The following CTNNA3 variants were observed in gnomAD, a reference collection of about 807,000 sequenced individuals.
The protein encoded by CTNNA3 is catenin alpha 3.
Under a neutral mutation model 95.7 loss-of-function variants are expected in CTNNA3, and 76 were observed. The ratio of observed to expected loss-of-function variants is 0.79; its 90% CI spans 0.66 to 0.96. The LOEUF (loss-of-function observed/expected upper bound fraction) is 0.96, where lower values mean the gene tolerates loss of function less well. CTNNA3 is among the 40% of genes least tolerant of loss of function. The pLI, the probability that CTNNA3 is intolerant of heterozygous loss-of-function variation, is 0.00. For synonymous variants in CTNNA3, 431 were observed against 374.4 expected (o/e 1.15, Z -1.74); for missense variants, 1,191 against 1,089.8 (o/e 1.09, Z -1.31).
chr10:66,930,897 C>T (rs1368016223), intron 7 of CTNNA3, among the ~76,000 whole-genome samples: 1 of 152,040 alleles, frequency 6.6e-6, no homozygotes, highest in Non-Finnish European at 1.5e-5. Flanking sequence ...TTTCTTTCTC[C>T]TCACTCTTTG....
At position 66,687,239 on chromosome 10, in the gene CTNNA3, G is replaced by A. The variant is rs534870427; in HGVS notation, c.1282-65455C>T. On this transcript the variant is annotated intron_variant, in intron 9 of 17. Coordinates refer to ENST00000433211, the MANE Select transcript of CTNNA3 (RefSeq NM_013266.4). Reference sequence around the variant, plus strand: ...TATACATAAATGATGCAAGAAGGAGGCAAAAAAGGTGATAAATTTCAAAGT... The same window carrying A: ...TATACATAAATGATGCAAGAAGGAGACAAAAAAGGTGATAAATTTCAAAGT... Among the ~76,000 whole-genome samples the A allele has an allele frequency of 3.6e-3, 550 of 151,766 alleles. 4 individuals are homozygous for A. Among genetic ancestry groups the A allele is most frequent in the Admixed American group, 5.9e-3 (90 of 15,244 alleles).
At chr10:67,459,396 C>G (rs967676142) in intron 5 of CTNNA3, among the ~76,000 whole-genome samples, 5 of 152,094 alleles carry the variant, frequency 3.3e-5, no homozygotes, top group African/African-American at 1.2e-4. Flanking sequence ...TGATTTCTGC[C>G]CACGTGGTCA....
At chr10:67,640,495 G>C (rs1219818588) in intron 2 of CTNNA3, among the ~76,000 whole-genome samples, 1 of 150,946 alleles carries the variant, frequency 6.6e-6, no homozygotes, top group Non-Finnish European at 1.5e-5. Flanking sequence ...ACAGAATTGG[G>C]AAAAACTACT....
chr10:67,667,175 C>A (rs1032497979), intron 1 of CTNNA3, among the ~76,000 whole-genome samples: 3 of 152,084 alleles, frequency 2.0e-5, no homozygotes, highest in Non-Finnish European at 4.4e-5. Context: ...GATATACTTC[C>A]TGTTATTACA....
chr10:67,169,046 A>C (rs1473224267), intron 7 of CTNNA3, among the ~76,000 whole-genome samples: 1 of 152,208 alleles, frequency 6.6e-6, no homozygotes, highest in East Asian at 1.9e-4. Flanking sequence ...AATTGCCACA[A>C]AAAGACTAAA....
chr10:66,335,325 G>A (rs1315796827), intron 12 of CTNNA3, among the ~76,000 whole-genome samples: 2 of 152,018 alleles, frequency 1.3e-5, no homozygotes, highest in Non-Finnish European at 2.9e-5. Flanking sequence ...AGTGTTTCCA[G>A]TTTTTCTGCT....
At chr10:67,667,523 A>T (rs1169215415) in intron 1 of CTNNA3, among the ~76,000 whole-genome samples, 1 of 152,208 alleles carries the variant, frequency 6.6e-6, no homozygotes, top group Non-Finnish European at 1.5e-5. Context: ...CTAATGGCAC[A>T]TCCTCTATGC....
intron 9 of CTNNA3, among the ~76,000 whole-genome samples, chr10:66,671,142 T>C (rs1196974565): frequency 6.6e-6 from 1 of 152,200 alleles, no homozygotes; most frequent in African/African-American, 2.4e-5. Context: ...AACTGCAAAT[T>C]CAATTATTCC....
intron 15 of CTNNA3, among the ~76,000 whole-genome samples, chr10:66,034,420 T>C (rs1042989725): frequency 7.9e-5 from 12 of 152,308 alleles, no homozygotes; most frequent in Admixed American, 7.2e-4. Context: ...TGCTGTTGAA[T>C]TTCTGGAGCT....
chr10:66,562,854 T>C (rs1368313963), intron 10 of CTNNA3, among the ~76,000 whole-genome samples: 1 of 152,098 alleles, frequency 6.6e-6, no homozygotes, highest in African/African-American at 2.4e-5. Context: ...ATACTATTTG[T>C]TCAATAAAAC....
intron 5 of CTNNA3, among the ~76,000 whole-genome samples, chr10:67,240,028 A>C (rs1865658218): frequency 6.6e-6 from 1 of 152,190 alleles, no homozygotes; most frequent in Non-Finnish European, 1.5e-5. Context: ...ACGAAGCTAC[A>C]TTCCTGCCCA....
In CTNNA3 at chr10:67,606,869, C is replaced by T. The variant is rs775423894; in HGVS notation, c.280G>A (p.Val94Ile). Residue 94 changes from valine (V) to isoleucine (I), a missense_variant, in exon 3 of 18, where the codon GTT becomes ATT. Physicochemically the swap from Val to Ile is conservative, Grantham distance 29. Transcript: ENST00000433211. ...TTGGAGTACTCACTTTCTTTGCGAACTTCCTCAAGTGAAGCCGTAAGCTCA... is the reference window on the plus strand; with the variant it reads ...TTGGAGTACTCACTTTCTTTGCGAATTTCCTCAAGTGAAGCCGTAAGCTCA... Reference protein sequence around the residue: ...KDELTASLEEVRKESEALKVS... With the variant: ...KDELTASLEEIRKESEALKVS... 4 of 1,613,174 alleles carry T rather than the reference C, an allele frequency of 2.5e-6. No individual in the cohort carries two copies. Among genetic ancestry groups the T allele is most frequent in the Non-Finnish European group, 3.4e-6 (4 of 1,179,518 alleles).
Position 66,119,831 on chromosome 10 carries a change from T to C in CTNNA3, c.1885-16582A>G, listed in dbSNP as rs80345214. On this transcript the variant is annotated intron_variant, in intron 13 of 17. Transcript: ENST00000433211. ...GAACCAATAAAGAGCCCATGTGGTA[T>C]CAAAGGGCTTTCCTGTCTAATATTT... 3.6e-3 allele frequency among the ~76,000 whole-genome samples: 554 copies of C among 152,276 alleles called. 6 individuals carry two copies. The highest frequency in any genetic ancestry group is 0.013 in the African/African-American group (536 of 41,574).
intron 13 of CTNNA3, among the ~76,000 whole-genome samples, chr10:66,190,940 A>G (rs2086634244): frequency 6.6e-6 from 1 of 152,118 alleles, no homozygotes; most frequent in Admixed American, 6.6e-5. Flanking sequence ...AGTATATCCC[A>G]CAAGACTGCT....
chr10:66,145,810 G>A (rs1012234234), intron 13 of CTNNA3, among the ~76,000 whole-genome samples: 1 of 152,084 alleles, frequency 6.6e-6, no homozygotes, highest in Non-Finnish European at 1.5e-5. Context: ...GAATCAAAAT[G>A]AGACATGAAT....
chr10:66,534,475 T>TAC (rs892579213), intron 10 of CTNNA3, among the ~76,000 whole-genome samples: 43 of 780 alleles, frequency 0.055, no homozygotes, highest in East Asian at 0.094. Context: ...AAATCATATA[T>TAC]ATATATATAT....
intron 14 of CTNNA3, among the ~76,000 whole-genome samples, chr10:66,095,220 G>A (rs966080799): frequency 6.6e-6 from 1 of 152,106 alleles, no homozygotes; most frequent in African/African-American, 2.4e-5. Context: ...AGGACTATAG[G>A]GCTTATATGA....
chr10:67,111,057 A>T (rs1228709369), intron 7 of CTNNA3, among the ~76,000 whole-genome samples: 1 of 152,168 alleles, frequency 6.6e-6, no homozygotes, highest in Non-Finnish European at 1.5e-5. Context: ...TAAATCAACC[A>T]CAGGGAGAAT....
intron 5 of CTNNA3, among the ~76,000 whole-genome samples, chr10:67,395,685 A>T (rs1216652512): frequency 6.6e-6 from 1 of 152,256 alleles, no homozygotes; most frequent in Non-Finnish European, 1.5e-5. Flanking sequence ...GAATGTGAAT[A>T]GTAGGAAACA....
Sources: gnomAD v4.1 joint callset for allele counts (sites outside exome capture counted in the v4.1 genomes callset) on GRCh38, gnomAD v4.1.1 for gene constraint, MANE v1.5 for transcripts, NCBI Gene and HGNC (gene_info 2026-07-23, HGNC 2026-07-21) for gene names.